Variants in SUMF1 observed in about 807,000 individuals in gnomAD.
SUMF1 encodes the protein formylglycine-generating enzyme.
A neutral mutation model predicts 47.6 loss-of-function variants in SUMF1; 48 were observed. The ratio of observed to expected loss-of-function variants is 1.01; its 90% CI spans 0.80 to 1.28. The LOEUF is 1.28. Among genes scored for constraint, SUMF1 ranks in the 50% most tolerant of loss-of-function variants. The pLI, the probability that SUMF1 is intolerant of heterozygous loss-of-function variation, is 0.00. For synonymous variants in SUMF1, 230 were observed against 192.1 expected (o/e 1.20, Z -1.63); for missense variants, 571 against 485.4 (o/e 1.18, Z -1.66).
chr3:4,457,967 A>C lies in SUMF1; in HGVS notation c.271-4918T>G, dbSNP rs148914234. Among the ~76,000 whole-genome samples the C allele has an allele frequency of 2.8e-3, 426 of 152,336 alleles. 1 individual carries two copies. Among genetic ancestry groups the C allele is most frequent in the Non-Finnish European group, 4.2e-3 (287 of 68,018 alleles). The stretch of plus-strand genomic sequence containing the variant: ...TGAAGAGATATCCCAGAATGAGTGA[A>C]AATCTTTGCAAACCATGCATCTTAT... On this transcript the variant is annotated intron_variant, in intron 1 of 8. Coordinates refer to ENST00000272902, the MANE Select transcript of SUMF1 (RefSeq NM_182760.4).
chr3:4,448,062 G>T (rs1702842745), intron 3 of SUMF1, among the ~76,000 whole-genome samples: 1 of 152,074 alleles, frequency 6.6e-6, no homozygotes, highest in Admixed American at 6.5e-5. Flanking sequence ...GGGCGGAGGG[G>T]AATATCAGAT....
rs985788335 is a variant in SUMF1 at position 4,437,591 on chromosome 3, G to A, written c.519+11675C>T. Among the ~76,000 whole-genome samples the A allele has an allele frequency of 3.3e-5, 5 of 152,254 alleles. No individual in the cohort carries two copies. The South Asian group carries it at 8.3e-4, about 25-fold the overall frequency. ...GACAAAGAATGCATTACTTTCAAAT[G>A]CAGCTATATATTATTTACAATGATA... On this transcript the variant is annotated intron_variant, in intron 3 of 8. Transcript: ENST00000272902.
chr3:4,051,481 C>T (rs961045996), intron 9 of SUMF1, among the ~76,000 whole-genome samples: 4 of 152,124 alleles, frequency 2.6e-5, no homozygotes, highest in African/African-American at 9.7e-5. Context: ...AAAAAATCCC[C>T]AAATTAAATA....
At chr3:4,108,131 G>A (rs1205375413) in intron 8 of SUMF1, among the ~76,000 whole-genome samples, 1 of 152,072 alleles carries the variant, frequency 6.6e-6, no homozygotes, top group Admixed American at 6.6e-5. Flanking sequence ...TTGTGTTTTT[G>A]TTCTCATTAG....
At chr3:4,365,303 G>A (rs1399882918) in intron 8 of SUMF1, among the ~76,000 whole-genome samples, 1 of 120,472 alleles carries the variant, frequency 8.3e-6, no homozygotes, top group Non-Finnish European at 2.0e-5. Flanking sequence ...TCTGTCTAAT[G>A]TTGACAGTGG....
chr3:4,351,222 C>G (rs561000329), intron 8 of SUMF1, among the ~76,000 whole-genome samples: 2,389 of 123,396 alleles, frequency 0.019, 67 homozygotes, highest in African/African-American at 0.099. Context: ...AGTGAGGTCT[C>G]CCCACCCTCC....
intron 8 of SUMF1, among the ~76,000 whole-genome samples, chr3:4,340,436 T>G (rs1262455165): frequency 2.0e-5 from 3 of 152,168 alleles, no homozygotes. Flanking sequence ...ATGGTCTTCA[T>G]GAAAGTAAAT....
At chr3:4,130,006 T>A (rs1056387874) in intron 8 of SUMF1, among the ~76,000 whole-genome samples, 4 of 152,138 alleles carry the variant, frequency 2.6e-5, no homozygotes, top group African/African-American at 4.8e-5. Context: ...ACATTAGAGC[T>A]GCCCCTACCT....
chr3:4,194,042 C>A (rs1185273093), intron 8 of SUMF1, among the ~76,000 whole-genome samples: 1 of 152,064 alleles, frequency 6.6e-6, no homozygotes, highest in Non-Finnish European at 1.5e-5. Context: ...TGAAGTTCTA[C>A]AATTGTCTAT....
chr3:4,345,215 C>T (rs942914930), intron 8 of SUMF1, among the ~76,000 whole-genome samples: 1 of 152,104 alleles, frequency 6.6e-6, no homozygotes, highest in Non-Finnish European at 1.5e-5. Context: ...AGAAGATCAA[C>T]CCAAGACACA....
Position 4,165,029 on chromosome 3 carries a change from C to T in SUMF1, c.1015-96284G>A, listed in dbSNP as rs548515549. Among the ~76,000 whole-genome samples the T allele has an allele frequency of 5.1e-4, 78 of 152,208 alleles. 1 individual carries two copies. Among genetic ancestry groups the T allele is most frequent in the African/African-American group, 1.5e-3 (61 of 41,510 alleles). On this transcript the variant is annotated intron_variant and NMD_transcript_variant, in intron 8 of 12. Transcript: ENST00000448413. ...AGCAGATGTTTATGAATCCAGTCCC[C>T]GTGATCTGAGTCTAGGTCCCAGTGG...
Position 4,417,111 on chromosome 3 carries a change from G to C in SUMF1, c.840+17C>G. 1.2e-6 allele frequency: 2 copies of C among 1,612,454 alleles called. No homozygotes were observed. Among genetic ancestry groups the C allele is most frequent in the Non-Finnish European group, 1.7e-6 (2 of 1,178,578 alleles). Reference sequence around the variant, plus strand: ...TCTCAGCAGCTGCCACCCTCCTGCAGAGGTCTCATTACTCACAGGCGCAGT... The same window carrying C: ...TCTCAGCAGCTGCCACCCTCCTGCACAGGTCTCATTACTCACAGGCGCAGT... On this transcript the variant is annotated intron_variant, in intron 6 of 8. Coordinates refer to ENST00000272902, the MANE Select transcript of SUMF1 (RefSeq NM_182760.4).
chr3:4,249,218 C>T (rs1696737942), intron 8 of SUMF1, among the ~76,000 whole-genome samples: 1 of 152,224 alleles, frequency 6.6e-6, no homozygotes, highest in Non-Finnish European at 1.5e-5. Flanking sequence ...TTTTAGTCTG[C>T]TATGAACTAT....
intron 8 of SUMF1, among the ~76,000 whole-genome samples, chr3:4,213,071 G>C (rs908296300): frequency 6.6e-6 from 1 of 152,076 alleles, no homozygotes; most frequent in African/African-American, 2.4e-5. Context: ...ACACCACAAA[G>C]ATACTCCTCA....
intron 8 of SUMF1, among the ~76,000 whole-genome samples, chr3:4,291,443 C>T (rs188450860): frequency 4.9e-4 from 74 of 152,220 alleles, no homozygotes; most frequent in African/African-American, 1.7e-3. Context: ...AAGTGCCTTC[C>T]TCTCTCCTTC....
In SUMF1 at chr3:4,054,556, T is replaced by C. The variant is rs1695161204; in HGVS notation, c.1191+14013A>G. 2.0e-5 allele frequency among the ~76,000 whole-genome samples: 3 copies of C among 152,210 alleles called. No homozygotes were observed. The South Asian group carries it at 6.2e-4, about 32-fold the overall frequency. ...ATTCAGGTGTATGTTTATGTGCCTG[T>C]TTTAAAAGATATCTTTACCCACTAC... On this transcript the variant is annotated intron_variant and NMD_transcript_variant, in intron 9 of 12. Transcript: ENST00000448413.
At chr3:4,139,852 G>C (rs1694033966) in intron 8 of SUMF1, among the ~76,000 whole-genome samples, 1 of 151,744 alleles carries the variant, frequency 6.6e-6, no homozygotes, top group Non-Finnish European at 1.5e-5. Context: ...AATGATTCCA[G>C]CCTACTCTTT....
intron 8 of SUMF1, among the ~76,000 whole-genome samples, chr3:4,170,986 T>C (rs549946895): frequency 1.2e-3 from 190 of 152,330 alleles, no homozygotes; most frequent in Middle Eastern, 3.4e-3. Flanking sequence ...TGTAGTGCTC[T>C]ATGCCATTCA....
At chr3:4,280,484 T>C (rs1441385727) in intron 8 of SUMF1, among the ~76,000 whole-genome samples, 3 of 151,000 alleles carry the variant, frequency 2.0e-5, no homozygotes, top group Non-Finnish European at 2.9e-5. Flanking sequence ...AGCCAGATAA[T>C]CTAATAGAGG....
Sources: gnomAD v4.1 joint callset for allele counts (sites outside exome capture counted in the v4.1 genomes callset) on GRCh38, gnomAD v4.1.1 for gene constraint, MANE v1.5 for transcripts, NCBI Gene and HGNC (gene_info 2026-07-23, HGNC 2026-07-21) for gene names.